EPHB6: variants seen among roughly 807,000 people sequenced by gnomAD.
EPHB6 encodes EPH receptor B6, also known as ephrin type-B receptor 6.
In EPHB6, 51 loss-of-function variants were observed where a neutral mutation model predicts 107.0. The observed-to-expected ratio is 0.48, with a 90% CI of 0.38 to 0.60. EPHB6 has a LOEUF of 0.60. EPHB6 is among the 20% of genes least tolerant of loss of function. The pLI, the probability that EPHB6 is intolerant of heterozygous loss-of-function variation, is 0.00. For missense variants in EPHB6, 1,141 were observed against 1,355.5 expected (o/e 0.84, Z 2.48); for synonymous variants, 553 against 549.0 (o/e 1.01, Z -0.10).
chr7:142,858,092 TA>T (rs1802684330), intron 1 of EPHB6, among the ~76,000 whole-genome samples: 1 of 152,222 alleles, frequency 6.6e-6, no homozygotes, highest in East Asian at 1.9e-4. Flanking sequence ...GATTTTACGT[TA>T]ATTATAAAAA....
rs1279527296 is a variant in EPHB6, at chr7:142,869,822, A to C, written c.2466A>C (p.Pro822=). 2 of 1,614,190 alleles carry C rather than the reference A, an allele frequency of 1.2e-6. No individual in the cohort carries two copies. Among genetic ancestry groups the C allele is most frequent in the Admixed American group, 1.7e-5 (1 of 60,024 alleles). The change falls in exon 17 of 20, where the codon CCA becomes CCC. Residue 822 remains proline (P), a synonymous_variant. Coordinates refer to ENST00000652003, the MANE Select transcript of EPHB6 (RefSeq NM_004445.6). This position sits in a 1 kb window ranked among gnomAD's most constrained non-coding sequence, Gnocchi z 4.5. ...VARLGHSPQG[P]SCLLRWAAPE... ...CTTTTGACTTTACCCCTCAGGGCCC[A>C]AGTTGTTTGCTTCGCTGGGCAGCCC...
Position 142,864,220 on chromosome 7 carries a change from C to T in EPHB6, c.420C>T (p.Ser140=), listed in dbSNP as rs2116418247. Residue 140 remains serine (S), a synonymous_variant, in exon 7 of 20, where the codon AGC becomes AGT. Transcript: ENST00000652003. ...LYYRQAEEPD[S]PDSVSSWHLK... ...ACCGTCAGGCTGAGGAGCCCGACAG[C>T]CCTGACAGCGTTTCCTCCTGGCACC... is the stretch of plus-strand genomic sequence containing the variant. The T allele has an allele frequency of 6.2e-7, 1 of 1,613,928 alleles. No individual in the cohort carries two copies. Among genetic ancestry groups the T allele is most frequent in the Admixed American group, 1.7e-5 (1 of 60,036 alleles).
At position 142,870,679 on chromosome 7, in the gene EPHB6, G is replaced by A; in HGVS notation, c.2954G>A (p.Ser985Asn). ...ACCTTCAGTGATGTGGCTCAGCTCA[G>A]CCTAGAGTAAGCAGGGAGTGGTGGG... ...LCTFSDVAQL[S>N]LEDLPALGIT... The change falls in exon 19 of 20, where the codon AGC (serine) becomes AAC (asparagine). Residue 985 changes from serine to asparagine, a missense_variant. This residue lies in a region of EPHB6 where 616 missense variants were observed against 759.3 expected (regional missense o/e 0.81). Transcript: ENST00000652003. 1.2e-6 allele frequency: 2 copies of A among 1,614,220 alleles called. No individual in the cohort carries two copies. The highest frequency in any genetic ancestry group is 1.7e-6 in the Non-Finnish European group (2 of 1,180,034).
intron 3 of EPHB6, among the ~76,000 whole-genome samples, 151 bp downstream of exon 3, chr7:142,862,284 G>A (rs1049676087): frequency 3.3e-5 from 5 of 152,210 alleles, no homozygotes; most frequent in African/African-American, 1.2e-4. Flanking sequence ...GAATGGAGGG[G>A]GGGCACAAAT....
chr7:142,858,002 G>T (rs772055195), intron 1 of EPHB6, among the ~76,000 whole-genome samples: 1 of 152,170 alleles, frequency 6.6e-6, no homozygotes, highest in Admixed American at 6.5e-5. Context: ...ATGGCATGGG[G>T]AGTGAATAAA....
intron 1 of EPHB6, among the ~76,000 whole-genome samples, chr7:142,856,551 T>C (rs1370577360): frequency 6.6e-6 from 1 of 152,114 alleles, no homozygotes; most frequent in African/African-American, 2.4e-5. Context: ...GGGACGGCTG[T>C]TCTGCTATCA....
Position 142,867,882 on chromosome 7 carries a change from C to A in EPHB6, c.1866-115C>A. On this transcript the variant is annotated intron_variant, in intron 12 of 19. Transcript: ENST00000652003. This position sits in a 1 kb window ranked among gnomAD's most constrained non-coding sequence, Gnocchi z 5.3. Reference sequence around the variant, plus strand: ...CCCCACGTGGAGATGGGCAGGAGGGCCAGGCTGTCGTCCCCCCTCCACAGA... The same window carrying A: ...CCCCACGTGGAGATGGGCAGGAGGGACAGGCTGTCGTCCCCCCTCCACAGA... 6.7e-7 allele frequency: 1 copy of A among 1,486,220 alleles called. No individual in the cohort carries two copies. Among genetic ancestry groups the A allele is most frequent in the Non-Finnish European group, 9.2e-7 (1 of 1,090,182 alleles). The allele number at this position is 1,486,220 out of a possible 1,614,324, so 92.1% of individuals were successfully genotyped here.
chr7:142,861,970 G>A (rs895318731), intron 2 of EPHB6, 47 bp from the exon 3 acceptor site: 1 of 152,210 alleles, frequency 6.6e-6, no homozygotes, highest in East Asian at 1.9e-4. Context: ...ATAACAAAGT[G>A]CAATAGACCT....
At chr7:142,863,757 G>A (rs1452971094) in intron 6 of EPHB6, 62 bp downstream of exon 6, 1 of 1,577,388 alleles carries the variant, frequency 6.3e-7, no homozygotes, top group Non-Finnish European at 8.7e-7. Context: ...GTTCCCTGGA[G>A]AGTGGAATTC....
chr7:142,863,386 G>A, intron 5 of EPHB6, 59 bp downstream of exon 5: 1 of 1,522,610 alleles, frequency 6.6e-7, no homozygotes. Context: ...GTGAAAGGGG[G>A]AAGTGGGAAA....
intron 7 of EPHB6, 67 bp from the exon 8 acceptor site, chr7:142,865,408 T>C: frequency 6.2e-7 from 1 of 1,602,644 alleles, no homozygotes; most frequent in Non-Finnish European, 8.5e-7. Context: ...CTGCCTGCTG[T>C]GTGTTGGGAG....
At position 142,868,438 on chromosome 7, in the gene EPHB6, C is replaced by A. The variant is rs2116468752; in HGVS notation, c.2039-54C>A. On this transcript the variant is annotated intron_variant, in intron 14 of 19. Coordinates refer to ENST00000652003, the MANE Select transcript of EPHB6 (RefSeq NM_004445.6). The surrounding 1 kb of genome is among the most constrained non-coding windows in gnomAD (Gnocchi z 4.2). ...CGCTGGCCAGAGTCCCATCCAAACACAGCAGGACGCTGTGAGCCTTGATCC... is the reference window on the plus strand; with the variant it reads ...CGCTGGCCAGAGTCCCATCCAAACAAAGCAGGACGCTGTGAGCCTTGATCC... 1 of 1,614,190 alleles carries A rather than the reference C, an allele frequency of 6.2e-7. No individual in the cohort carries two copies. Among genetic ancestry groups the A allele is most frequent in the Non-Finnish European group, 8.5e-7 (1 of 1,180,034 alleles).
chr7:142,863,689 AG>A lies in EPHB6; in HGVS notation c.165+1del, dbSNP rs771807343. The A allele has an allele frequency of 3.7e-6, 6 of 1,613,224 alleles. No homozygotes were observed. The highest frequency in any genetic ancestry group is 1.7e-5 in the Admixed American group (1 of 59,982). On this transcript the variant is annotated frameshift_variant, in exon 6 of 20. Coordinates refer to ENST00000652003, the MANE Select transcript of EPHB6 (RefSeq NM_004445.6). LOFTEE classifies it high-confidence loss of function. ...SEIGWLTYPP[G>X]GWDEVSVLDD... ...AGATTGGCTGGCTCACCTACCCACCAGGGGGGGTGAGTGCCACTCTAATTCT... is the reference window on the plus strand; with the variant it reads ...AGATTGGCTGGCTCACCTACCCACCAGGGGGGTGAGTGCCACTCTAATTCT...
chr7:142,868,171 G>C lies in EPHB6; in HGVS notation c.1919-70G>C. ...TGGCACAACCTTCTGGAGGTAAGTG[G>C]GCATGTCTGGGGTGCGCGGGCAGCC... On this transcript the variant is annotated intron_variant, in intron 13 of 19. Transcript: ENST00000652003. This position sits in a 1 kb window ranked among gnomAD's most constrained non-coding sequence, Gnocchi z 4.2. 6.2e-7 allele frequency: 1 copy of C among 1,613,964 alleles called. No homozygotes were observed. The highest frequency in any genetic ancestry group is 1.7e-4 in the Middle Eastern group (1 of 6,060).
Position 142,863,983 on chromosome 7 carries a change from T to C in EPHB6, c.183T>C (p.Val61=). 1 of 1,614,180 alleles carries C rather than the reference T, an allele frequency of 6.2e-7. No homozygotes were observed. Among genetic ancestry groups the C allele is most frequent in the Non-Finnish European group, 8.5e-7 (1 of 1,180,032 alleles). Residue 61 remains valine (V), a synonymous_variant, in exon 7 of 20, where the codon GTT becomes GTC. Transcript: ENST00000652003. ...YPPGGWDEVS[V]LDDQRRLTRT... ...TCCTGCAGTGGGACGAGGTGAGTGT[T>C]CTGGACGACCAGCGACGCCTGACTC...
chr7:142,864,501 C>T lies in EPHB6; in HGVS notation c.701C>T (p.Pro234Leu). The T allele has an allele frequency of 6.2e-7, 1 of 1,613,510 alleles. No homozygotes were observed. Among genetic ancestry groups the T allele is most frequent in the Non-Finnish European group, 8.5e-7 (1 of 1,180,034 alleles). Residue 234 changes from proline to leucine, a missense_variant, in exon 7 of 20, where the codon CCT becomes CTT. Pro to Leu is a moderately conservative substitution (Grantham distance 98). Around this residue, in one of 3 missense-constraint regions of EPHB6, gnomAD observed 304 missense variants for 295.7 expected, o/e 1.03. Coordinates refer to ENST00000652003, the MANE Select transcript of EPHB6 (RefSeq NM_004445.6). ...GTCAGGCTCTTCTCCTACACCTGCC[C>T]TGCCGTGCTCCGATCCTTTGCTTCC... ...VAVRLFSYTC[P>L]AVLRSFASFP...
intron 17 of EPHB6, 41 bp downstream of exon 17, chr7:142,870,007 C>T: frequency 2.5e-6 from 4 of 1,613,960 alleles, no homozygotes; most frequent in Non-Finnish European, 3.4e-6. Flanking sequence ...CCACCCCGAT[C>T]CCTCCCAGGT....
chr7:142,868,755 G>A lies in EPHB6; in HGVS notation c.2286+16G>A, dbSNP rs755845226. 1.3e-5 allele frequency: 21 copies of A among 1,613,684 alleles called. No homozygotes were observed. Among genetic ancestry groups the A allele is most frequent in the Non-Finnish European group, 1.4e-5 (17 of 1,180,030 alleles). ...CTTCCTCAGGGTCAGTCCAGCCTGG[G>A]TGAAGGAGGAGGGTCCTTGGGTCCA... On this transcript the variant is annotated intron_variant, in intron 15 of 19. Coordinates refer to ENST00000652003, the MANE Select transcript of EPHB6 (RefSeq NM_004445.6). The surrounding 1 kb of genome is among the most constrained non-coding windows in gnomAD (Gnocchi z 4.2).
chr7:142,863,936 C>T (rs1168281203), intron 6 of EPHB6, 30 bp from the exon 7 acceptor site: 1 of 1,614,130 alleles, frequency 6.2e-7, no homozygotes. Flanking sequence ...AGCCCGGAGC[C>T]CCTAAAGCTT....
Sources: gnomAD v4.1 joint callset for allele counts (sites outside exome capture counted in the v4.1 genomes callset) on GRCh38, gnomAD v4.1.1 for gene constraint, gnomAD v4.1.1 regional missense constraint, Gnocchi (gnomAD v3.1) non-coding constraint, MANE v1.5 for transcripts, NCBI Gene and HGNC (gene_info 2026-07-23, HGNC 2026-07-21) for gene names.